The following PIK3C2G variants were observed in gnomAD, a reference collection of about 807,000 sequenced individuals.
The protein encoded by PIK3C2G is phosphatidylinositol 3-kinase C2 domain-containing subunit gamma.
Under a neutral mutation model 181.1 loss-of-function variants are expected in PIK3C2G, and 168 were observed. That is an observed-to-expected ratio of 0.93 (90% CI 0.82 to 1.05). The LOEUF (loss-of-function observed/expected upper bound fraction) is 1.05, where lower values mean the gene tolerates loss of function less well. Among genes scored for constraint, PIK3C2G ranks in the 50% least tolerant of loss-of-function variants. The probability of loss-of-function intolerance (pLI) is 0.00; values close to 1 mark genes in which losing one functional copy is unlikely to be tolerated. For missense variants in PIK3C2G, 1,869 were observed against 1,732.8 expected, an observed-to-expected ratio of 1.08 and a Z score of -1.40; for synonymous variants, 573 against 592.2, an observed-to-expected ratio of 0.97 and a Z score of 0.47.
chr12:18,642,204 T>C (rs1047526524), intron 32 of PIK3C2G, among the ~76,000 whole-genome samples: 7 of 152,112 alleles, frequency 4.6e-5, no homozygotes, highest in African/African-American at 1.7e-4. Flanking sequence ...TCTCAAAGAT[T>C]TTCTCTTATA....
At chr12:18,416,040 G>A (rs1293442728) in intron 16 of PIK3C2G, among the ~76,000 whole-genome samples, 1 of 152,184 alleles carries the variant, frequency 6.6e-6, no homozygotes, top group Admixed American at 6.5e-5. Flanking sequence ...GAGGTCAGGA[G>A]TTCAAGGCCA....
At chr12:18,377,966 C>A (rs925796873) in intron 13 of PIK3C2G, among the ~76,000 whole-genome samples, 1 of 152,144 alleles carries the variant, frequency 6.6e-6, no homozygotes, top group Admixed American at 6.5e-5. Context: ...AAGTGATTCT[C>A]CTGCCTCAGC....
chr12:18,505,237 T>C (rs1164116105), intron 23 of PIK3C2G, 55 bp from the exon 24 acceptor site: 7 of 1,410,822 alleles, frequency 5.0e-6, no homozygotes, highest in Non-Finnish European at 6.8e-6. Context: ...CTGATGCTAA[T>C]GCATTTGCTC....
intron 12 of PIK3C2G, among the ~76,000 whole-genome samples, chr12:18,369,460 CAT>C (rs1204484811): frequency 1.3e-5 from 2 of 150,300 alleles, no homozygotes; most frequent in Non-Finnish European, 3.0e-5. Context: ...GTATAATTGA[CAT>C]ATGATCATAT....
chr12:18,399,038 A>T (rs1944063372), intron 15 of PIK3C2G, among the ~76,000 whole-genome samples: 1 of 147,892 alleles, frequency 6.8e-6, no homozygotes, highest in Non-Finnish European at 1.5e-5. Context: ...TACTAAAAAT[A>T]CAAAAAATTA....
intron 3 of PIK3C2G, among the ~76,000 whole-genome samples, chr12:18,288,353 A>G (rs1445710980): frequency 6.6e-6 from 1 of 152,200 alleles, no homozygotes; most frequent in African/African-American, 2.4e-5. Context: ...TTCATTGTCT[A>G]ATAACTAGCT....
At chr12:18,374,784 C>T (rs571933977) in intron 13 of PIK3C2G, among the ~76,000 whole-genome samples, 1 of 152,228 alleles carries the variant, frequency 6.6e-6, no homozygotes, top group Admixed American at 6.5e-5. Context: ...GTCCTGTCCT[C>T]GAGATAGTGA....
intron 1 of PIK3C2G, among the ~76,000 whole-genome samples, chr12:18,273,583 G>C (rs11043994): frequency 0.06 from 9,099 of 152,124 alleles, 404 homozygotes; most frequent in Non-Finnish European, 0.093. Flanking sequence ...AATGGTGCTG[G>C]GAAAACTGGC....
At chr12:18,350,500 A>G (rs1940122740) in intron 11 of PIK3C2G, among the ~76,000 whole-genome samples, 1 of 152,188 alleles carries the variant, frequency 6.6e-6, no homozygotes. Context: ...ATTCTTTCTC[A>G]TCAAGACGAT....
At chr12:18,717,616 A>T in the PIK3C2G span, among the ~76,000 whole-genome samples, 47 of 152,246 alleles carry the variant, frequency 3.1e-4, no homozygotes, top group Non-Finnish European at 6.2e-4. Context: ...TTAGCATGGA[A>T]ACCACAGAAC....
chr12:18,335,433 G>C (rs1342652949), intron 8 of PIK3C2G, among the ~76,000 whole-genome samples: 3 of 152,018 alleles, frequency 2.0e-5, no homozygotes, highest in African/African-American at 7.2e-5. Context: ...TAAAATTTGT[G>C]TAATGTTTAT....
At chr12:18,614,836 A>T (rs1181406200) in intron 31 of PIK3C2G, among the ~76,000 whole-genome samples, 1 of 152,104 alleles carries the variant, frequency 6.6e-6, no homozygotes, top group Non-Finnish European at 1.5e-5. Flanking sequence ...TTTAAACTGA[A>T]CAGTTATACA....
chr12:18,401,363 A>G lies in PIK3C2G; in HGVS notation c.2315+1516A>G, dbSNP rs183957759. ...TTCATTGGGATATTCACAATTCATC[A>G]TGCTAGTGTTTAAAGATCCTTTTGG... On this transcript the variant is annotated intron_variant, in intron 16 of 32. Transcript: ENST00000538779. Among the ~76,000 whole-genome samples, 9 of 152,260 alleles carry G rather than the reference A, an allele frequency of 5.9e-5. No individual in the cohort carries two copies. In the East Asian group the frequency reaches 1.5e-3, roughly 26 times the overall value.
chr12:18,375,116 A>G (rs1942343910), intron 13 of PIK3C2G, among the ~76,000 whole-genome samples: 1 of 152,204 alleles, frequency 6.6e-6, no homozygotes, highest in Admixed American at 6.5e-5. Flanking sequence ...AGAACTGGGT[A>G]ACAGGCAGAG....
chr12:18,359,797 A>T lies in PIK3C2G; in HGVS notation c.1626-2967A>T, dbSNP rs1377209155. On this transcript the variant is annotated intron_variant, in intron 11 of 32. Transcript: ENST00000538779. ...TGCTCCCCTTGGTTACTGTTTGCAT[A>T]GAATAGCTATTTTATCCTTTCATTT... is the stretch of plus-strand genomic sequence containing the variant. Among the ~76,000 whole-genome samples, 6 of 152,278 alleles carry T rather than the reference A, an allele frequency of 3.9e-5. No individual in the cohort carries two copies. The East Asian group carries it at 1.2e-3, about 29-fold the overall frequency.
At chr12:18,601,421 T>C (rs1947706682) in intron 30 of PIK3C2G, among the ~76,000 whole-genome samples, 1 of 152,004 alleles carries the variant, frequency 6.6e-6, no homozygotes, top group Admixed American at 6.6e-5. Flanking sequence ...AAAACGCTGA[T>C]CTCAAATAAG....
chr12:18,503,178 G>C (rs1358950956), intron 22 of PIK3C2G, 103 bp from the exon 23 acceptor site: 2 of 717,790 alleles, frequency 2.8e-6, no homozygotes, highest in East Asian at 5.7e-5. Flanking sequence ...GAAAAGGAAA[G>C]GGGTAATCCA....
chr12:18,432,132 C>A (rs1436106123), intron 18 of PIK3C2G, among the ~76,000 whole-genome samples: 1 of 152,144 alleles, frequency 6.6e-6, no homozygotes. Context: ...ACCATACAAT[C>A]TTTAAATAAA....
intron 8 of PIK3C2G, among the ~76,000 whole-genome samples, chr12:18,325,679 G>A (rs937214537): frequency 1.4e-5 from 2 of 144,942 alleles, no homozygotes; most frequent in Admixed American, 7.2e-5. Context: ...CTGTACTCCA[G>A]CCTGGTGACA....
Sources: allele counts gnomAD v4.1 joint callset (sites outside exome capture counted in the v4.1 genomes callset), GRCh38; gene constraint gnomAD v4.1.1; transcripts MANE v1.5; gene names NCBI Gene and HGNC (gene_info 2026-07-23, HGNC 2026-07-21).